DOK7: variants seen among roughly 807,000 people sequenced by gnomAD.
DOK7 encodes the protein protein Dok-7.
A neutral mutation model predicts 30.7 loss-of-function variants in DOK7; 32 were observed. The ratio of observed to expected loss-of-function variants is 1.04; its 90% confidence interval spans 0.79 to 1.40. The LOEUF (loss-of-function observed/expected upper bound fraction) is 1.40. Among genes scored for constraint, DOK7 ranks in the 40% most tolerant of loss-of-function variants. DOK7 has a pLI of 0.00. For synonymous variants in DOK7, 447 were observed against 324.1 expected, an observed-to-expected ratio of 1.38 and a Z score of -4.07; for missense variants, 1,007 against 699.2, an observed-to-expected ratio of 1.44 and a Z score of -4.97.
chr4:3,477,637 G>A (rs1016349103), intron 4 of DOK7, among the ~76,000 whole-genome samples: 2 of 152,236 alleles, frequency 1.3e-5, no homozygotes, highest in Non-Finnish European at 2.9e-5. Context: ...AGGGCAGTGA[G>A]GCTCAGGCTC....
At chr4:3,467,259 T>G in intron 2 of DOK7, among the ~76,000 whole-genome samples, 2 of 150,154 alleles carry the variant, frequency 1.3e-5, no homozygotes, top group Non-Finnish European at 1.5e-5. Context: ...TTGCTCCATC[T>G]TCCCTGCGGC....
chr4:3,484,477 C>G, intron 4 of DOK7: 1 of 984,536 alleles, frequency 1.0e-6, no homozygotes, highest in South Asian at 4.7e-5. Flanking sequence ...GGCCCCGGAG[C>G]GGGCGGGATT....
At chr4:3,498,364 G>A (rs374799012), downstream of DOK7, among the ~76,000 whole-genome samples, 1 of 152,056 alleles carries the variant, frequency 6.6e-6, no homozygotes, top group Non-Finnish European at 1.5e-5. Flanking sequence ...TCCGGGTGGT[G>A]TTGGGAACAT....
At chr4:3,487,009 G>A (rs143610451) in intron 5 of DOK7, among the ~76,000 whole-genome samples, 265 of 152,248 alleles carry the variant, frequency 1.7e-3, no homozygotes, top group Admixed American at 2.0e-3. Flanking sequence ...GATGGGACAG[G>A]CTCCACCGCA....
At chr4:3,482,283 A>T (rs1184608661) in intron 4 of DOK7, among the ~76,000 whole-genome samples, 14 of 152,188 alleles carry the variant, frequency 9.2e-5, no homozygotes, top group Admixed American at 8.5e-4. Context: ...CAGTGAGGAC[A>T]GCTCATCTCT....
At chr4:3,474,323 C>A (rs753705075) in intron 3 of DOK7, among the ~76,000 whole-genome samples, 2 of 152,230 alleles carry the variant, frequency 1.3e-5, no homozygotes, top group Admixed American at 6.5e-5. Context: ...TGAGTTGAGT[C>A]CTGGTCCTAC....
Position 3,485,646 on chromosome 4 carries a change from C to T in DOK7, c.640C>T (p.Pro214Ser). 6.3e-7 allele frequency: 1 copy of T among 1,599,432 alleles called. No homozygotes were observed. Among genetic ancestry groups the T allele is most frequent in the Non-Finnish European group, 8.5e-7 (1 of 1,172,578 alleles). The change falls in exon 5 of 7, where the codon CCG (proline) becomes TCG (serine). Residue 214 changes from proline (P) to serine (S), a missense_variant. Physicochemically the swap from Pro to Ser is moderately conservative, Grantham distance 74 (BLOSUM62 -1). Coordinates refer to ENST00000340083, the MANE Select transcript of DOK7 (RefSeq NM_173660.5). ...CACCAAGGGCCCCTTTGGGCTGCGG[C>T]CGGTTCTACCAGGTGCGTGTGGGAG... ...SPTKGPFGLRPVLPDPSPPGP... is the reference protein window; with the variant it reads ...SPTKGPFGLRSVLPDPSPPGP...
At chr4:3,486,532 C>A (rs4690017) in intron 5 of DOK7, among the ~76,000 whole-genome samples, 2 of 152,206 alleles carry the variant, frequency 1.3e-5, no homozygotes, top group Non-Finnish European at 2.9e-5. Flanking sequence ...GGCCTCCCTT[C>A]TCCTGGCCAC....
rs114318267 is a variant in DOK7, at chr4:3,477,100, C to G, written c.532+558C>G. 7.7e-3 allele frequency among the ~76,000 whole-genome samples: 1,166 copies of G among 152,274 alleles called. 9 individuals are homozygous for G. Among genetic ancestry groups the G allele is most frequent in the African/African-American group, 0.027 (1,123 of 41,546 alleles). ...ACTCAGCCAGGGGAGTGAGGGAAAT[C>G]GGAGCAGGAAGGCACCCAGCCCTGC... On this transcript the variant is annotated intron_variant, in intron 4 of 6. Coordinates refer to ENST00000340083, the MANE Select transcript of DOK7 (RefSeq NM_173660.5).
At chr4:3,491,622 G>A (rs905093624) in intron 6 of DOK7, among the ~76,000 whole-genome samples, 1 of 151,804 alleles carries the variant, frequency 6.6e-6, no homozygotes, top group Non-Finnish European at 1.5e-5. Flanking sequence ...CGGGAAAGGT[G>A]GTTCTGCCCT....
intron 5 of DOK7, 100 bp from the exon 6 acceptor site, chr4:3,489,577 A>C (rs1405366739): frequency 1.0e-5 from 16 of 1,540,346 alleles, no homozygotes; most frequent in African/African-American, 5.5e-5. Context: ...CTGCCACTCC[A>C]CAGAGGGGGA....
chr4:3,477,922 C>T (rs894933567), intron 4 of DOK7, among the ~76,000 whole-genome samples: 1 of 152,148 alleles, frequency 6.6e-6, no homozygotes, highest in African/African-American at 2.4e-5. Context: ...GCCAGAGGTT[C>T]AGTACTGGGG....
chr4:3,497,491 C>G (rs35348914), downstream of DOK7, among the ~76,000 whole-genome samples: 16,234 of 152,096 alleles, frequency 0.11, 988 homozygotes, highest in Non-Finnish European at 0.13. Flanking sequence ...GGGACAGAGC[C>G]CTGCTGAAGG....
intron 5 of DOK7, among the ~76,000 whole-genome samples, chr4:3,485,924 G>C (rs1053440601): frequency 2.0e-4 from 31 of 152,220 alleles, no homozygotes; most frequent in Admixed American, 2.0e-3. Context: ...TGGCCCTAGA[G>C]CTTTCTGGCT....
At chr4:3,471,252 G>A (rs1410292782) in intron 2 of DOK7, among the ~76,000 whole-genome samples, 2 of 152,264 alleles carry the variant, frequency 1.3e-5, no homozygotes, top group African/African-American at 4.8e-5. Flanking sequence ...CCTTCCTGCA[G>A]ATGGTCCTTA....
intron 5 of DOK7, among the ~76,000 whole-genome samples, chr4:3,485,977 C>G (rs1268263793): frequency 2.0e-5 from 3 of 152,024 alleles, no homozygotes; most frequent in African/African-American, 7.2e-5. Flanking sequence ...AAGAGACCCT[C>G]TGACCCACCA....
In DOK7 at chr4:3,493,338, G is replaced by T. The variant is rs200675356; in HGVS notation, c.1352G>T (p.Arg451Leu). 2.5e-6 allele frequency: 4 copies of T among 1,599,472 alleles called. No homozygotes were observed. In the East Asian group the frequency reaches 9.0e-5, roughly 36 times the overall value. Residue 451 changes from arginine to leucine, a missense_variant, in exon 7 of 7, where the codon CGG (arginine) becomes CTG (leucine). Transcript: ENST00000340083. ...CCCTCTGGCTGGCTGGGCACGAGAC[G>T]GCGGGGCCTGGTGATGGAGGCCCCC... Reference protein sequence around the residue: ...GCPSGWLGTRRRGLVMEAPQG... With the variant: ...GCPSGWLGTRLRGLVMEAPQG...
Position 3,470,090 on chromosome 4 carries a change from G to A in DOK7, c.101-3316G>A, listed in dbSNP as rs77056422. Among the ~76,000 whole-genome samples, 298 of 152,314 alleles carry A rather than the reference G, an allele frequency of 2.0e-3. 8 individuals are homozygous for A. In the East Asian group the frequency reaches 0.051, roughly 26 times the overall value. On this transcript the variant is annotated intron_variant, in intron 2 of 6. Coordinates refer to ENST00000340083, the MANE Select transcript of DOK7 (RefSeq NM_173660.5). ...GCAGTCGAGGGGCCCGTAGGGCCACGCTCCCTCCAGGCTTCCCAGAGGGGC... is the reference window on the plus strand; with the variant it reads ...GCAGTCGAGGGGCCCGTAGGGCCACACTCCCTCCAGGCTTCCCAGAGGGGC...
rs146168804 is a variant in DOK7 at position 3,463,346 on chromosome 4, G to T, written c.-30G>T. The T allele has an allele frequency of 0.1, 147,423 of 1,447,188 alleles. 8,816 individuals are homozygous for T. Among genetic ancestry groups the T allele is most frequent in the South Asian group, 0.23 (15,737 of 68,068 alleles). The allele number at this position is 1,447,188 out of a possible 1,614,324, so 89.6% of individuals were successfully genotyped here. A position where few individuals can be genotyped will look rare whatever the true frequency, so the allele number is the denominator to read the frequency against. ...TGACCCTGGGCTGGGGCGCCGGGGCGAGCGCGGCGGCGCGGAACCATGACA... is the reference window on the plus strand; with the variant it reads ...TGACCCTGGGCTGGGGCGCCGGGGCTAGCGCGGCGGCGCGGAACCATGACA... On this transcript the variant is annotated 5_prime_UTR_variant, in exon 1 of 7. Transcript: ENST00000340083.
Sources: gnomAD v4.1 joint callset for allele counts (sites outside exome capture counted in the v4.1 genomes callset) on GRCh38, gnomAD v4.1.1 for gene constraint, MANE v1.5 for transcripts, NCBI Gene and HGNC (gene_info 2026-07-23, HGNC 2026-07-21) for gene names.